The following GALK2 variants were observed in gnomAD, a reference collection of about 807,000 sequenced individuals.
GALK2 encodes galactokinase 2, also known as N-acetylgalactosamine kinase.
Under a neutral mutation model 52.4 loss-of-function variants are expected in GALK2, and 36 were observed. The ratio of observed to expected loss-of-function variants is 0.69; its 90% CI spans 0.53 to 0.91. GALK2 has a LOEUF of 0.91. GALK2 is among the 40% of genes least tolerant of loss of function. The probability of loss-of-function intolerance (pLI) is 0.00; values close to 1 mark genes in which losing one functional copy is unlikely to be tolerated. For missense variants in GALK2, 579 were observed against 559.1 expected (o/e 1.04, Z -0.36); for synonymous variants, 176 against 199.1 (o/e 0.88, Z 0.98).
At chr15:49,235,801 C>A in intron 3 of GALK2, 50 bp from the exon 4 acceptor site, 2 of 1,213,674 alleles carry the variant, frequency 1.6e-6, no homozygotes, top group Non-Finnish European at 2.4e-6. Flanking sequence ...ATTGATTTTG[C>A]AGCTCAAGGC....
chr15:49,156,615 G>C (rs1274579034), intron 1 of GALK2: 1 of 521,812 alleles, frequency 1.9e-6, no homozygotes, highest in East Asian at 5.0e-5. Context: ...TTGCCGAAAG[G>C]CCATCACTTT....
chr15:49,295,313 C>CTCTG (rs1455264474), intron 8 of GALK2, among the ~76,000 whole-genome samples: 6 of 145,526 alleles, frequency 4.1e-5, no homozygotes, highest in Non-Finnish European at 5.9e-5. Flanking sequence ...GCTCATTTCT[C>CTCTG]TCTCTCTCTC....
intron 8 of GALK2, among the ~76,000 whole-genome samples, chr15:49,311,593 T>G (rs924545849): frequency 1.8e-4 from 27 of 152,248 alleles, no homozygotes; most frequent in African/African-American, 6.3e-4. Context: ...ATTGGTTTGC[T>G]GAACACCTAC....
intron 5 of GALK2, among the ~76,000 whole-genome samples, chr15:49,271,846 G>T: frequency 6.6e-6 from 1 of 152,286 alleles, no homozygotes; most frequent in East Asian, 1.9e-4. Context: ...AAACTATTTG[G>T]GAATTGTGTT....
chr15:49,328,711 C>A lies in GALK2; in HGVS notation c.*552C>A. The A allele has an allele frequency of 6.5e-7, 1 of 1,544,600 alleles. No homozygotes were observed. Among genetic ancestry groups the A allele is most frequent in the Non-Finnish European group, 8.7e-7 (1 of 1,143,090 alleles). ...AATACATGATTAAAGTTTCACAGAT[C>A]TTCTTGGACATTGTATAATTGAATT... On this transcript the variant is annotated 3_prime_UTR_variant, in exon 10 of 10. Coordinates refer to ENST00000560031, the MANE Select transcript of GALK2 (RefSeq NM_002044.4).
Position 49,170,310 on chromosome 15 carries a change from G to A in GALK2, c.-13G>A. On this transcript the variant is annotated 5_prime_UTR_variant, in exon 1 of 10. Transcript: ENST00000560031. The stretch of plus-strand genomic sequence containing the variant: ...CACTTGAAACTACAGGAGAAAGAAG[G>A]ATCTAGCGAAATATGGCTACAGAGA... 6.3e-7 allele frequency: 1 copy of A among 1,578,682 alleles called. No homozygotes were observed. Among genetic ancestry groups the A allele is most frequent in the African/African-American group, 1.3e-5 (1 of 74,512 alleles).
At chr15:49,232,971 T>G (rs1337295574) in intron 3 of GALK2, among the ~76,000 whole-genome samples, 1 of 152,176 alleles carries the variant, frequency 6.6e-6, no homozygotes, top group Non-Finnish European at 1.5e-5. Flanking sequence ...TCCAAATTGG[T>G]CCAACCTCTA....
chr15:49,339,091 CAGG>C (rs369929296), intron 3 of GALK2, among the ~76,000 whole-genome samples: 1 of 152,146 alleles, frequency 6.6e-6, no homozygotes, highest in Non-Finnish European at 1.5e-5. Flanking sequence ...CTTTAGCTCG[CAGG>C]AGTTTGTTAT....
chr15:49,181,082 T>G (rs1234728324), intron 1 of GALK2, among the ~76,000 whole-genome samples: 1 of 131,494 alleles, frequency 7.6e-6, no homozygotes, highest in East Asian at 2.6e-4. Context: ...TCCTTTTCTT[T>G]CCTTCCTCTT....
intron 5 of GALK2, among the ~76,000 whole-genome samples, chr15:49,260,808 A>G (rs1171673025): frequency 1.3e-5 from 2 of 152,108 alleles, no homozygotes; most frequent in African/African-American, 2.4e-5. Flanking sequence ...TCCCAGCACC[A>G]TTTATTAAAT....
At chr15:49,335,350 T>C (rs1455909081), downstream of GALK2, 1 of 1,017,178 alleles carries the variant, frequency 9.8e-7, no homozygotes, top group Non-Finnish European at 1.5e-6. Context: ...GTTTAGATGA[T>C]TTCTCTGATT....
chr15:49,200,290 G>C (rs1380094370), intron 1 of GALK2, among the ~76,000 whole-genome samples: 2 of 152,190 alleles, frequency 1.3e-5, no homozygotes, highest in South Asian at 2.1e-4. Flanking sequence ...CATTGAATTA[G>C]AGGTCTCATT....
chr15:49,178,078 A>G (rs1245031394), intron 1 of GALK2, among the ~76,000 whole-genome samples: 2 of 149,174 alleles, frequency 1.3e-5, no homozygotes, highest in African/African-American at 4.9e-5. Flanking sequence ...CTGAGGCATG[A>G]GAATTAGTTG....
At chr15:49,305,849 G>A (rs543534898) in intron 8 of GALK2, among the ~76,000 whole-genome samples, 1 of 152,290 alleles carries the variant, frequency 6.6e-6, no homozygotes, top group South Asian at 2.1e-4. Flanking sequence ...ACACCTGTGT[G>A]CATTCACTTC....
At chr15:49,198,601 TA>T (rs942735169) in intron 1 of GALK2, among the ~76,000 whole-genome samples, 4 of 152,166 alleles carry the variant, frequency 2.6e-5, no homozygotes, top group East Asian at 1.9e-4. Context: ...TACTATAACT[TA>T]AAAAAAATCA....
At chr15:49,339,503 C>A (rs963292536) in intron 3 of GALK2, among the ~76,000 whole-genome samples, 4 of 152,160 alleles carry the variant, frequency 2.6e-5, no homozygotes, top group African/African-American at 9.7e-5. Flanking sequence ...GAAGCTTCGT[C>A]CCAGAGGGGC....
intron 5 of GALK2, among the ~76,000 whole-genome samples, chr15:49,271,999 A>T (rs1567004912): frequency 6.6e-6 from 1 of 152,234 alleles, no homozygotes; most frequent in South Asian, 2.1e-4. Flanking sequence ...TTAATTGTTC[A>T]TTCTAATGAA....
intron 1 of GALK2, among the ~76,000 whole-genome samples, chr15:49,190,027 A>G (rs777977755): frequency 3.9e-5 from 6 of 152,128 alleles, no homozygotes; most frequent in Non-Finnish European, 7.4e-5. Flanking sequence ...TTATTGTGGA[A>G]TACTTCCTCA....
chr15:49,321,927 T>G (rs1308357961), intron 9 of GALK2, among the ~76,000 whole-genome samples: 1 of 152,202 alleles, frequency 6.6e-6, no homozygotes, highest in East Asian at 1.9e-4. Flanking sequence ...GAACGTAATG[T>G]GTAGAGTAGG....
Sources: gnomAD v4.1 joint callset for allele counts (sites outside exome capture counted in the v4.1 genomes callset) on GRCh38, gnomAD v4.1.1 for gene constraint, MANE v1.5 for transcripts, NCBI Gene and HGNC (gene_info 2026-07-23, HGNC 2026-07-21) for gene names.